MTMR2: variants seen among roughly 807,000 people sequenced by gnomAD.
MTMR2 encodes phosphatidylinositol-3,5-bisphosphate 3-phosphatase MTMR2.
MTMR2 carries 55 observed loss-of-function variants against 86.9 expected under a neutral mutation model. The ratio of observed to expected loss-of-function variants is 0.63; its 90% confidence interval spans 0.51 to 0.79. The LOEUF (loss-of-function observed/expected upper bound fraction) is 0.79. Ranked by LOEUF, MTMR2 falls within the 30% of genes least tolerant of loss-of-function variation. MTMR2 has a pLI of 0.00. For missense variants in MTMR2, 659 were observed against 772.3 expected (o/e 0.85, Z 1.74); for synonymous variants, 241 against 266.8 (o/e 0.90, Z 0.94).
At position 95,855,602 on chromosome 11, in the gene MTMR2, T is replaced by C. The variant is rs538406140; in HGVS notation, c.654+1950A>G. Among the ~76,000 whole-genome samples, 12 of 152,270 alleles carry C rather than the reference T, an allele frequency of 7.9e-5. No homozygotes were observed. The South Asian group carries it at 2.1e-3, about 26-fold the overall frequency. On this transcript the variant is annotated intron_variant, in intron 7 of 14. Coordinates refer to ENST00000346299, the MANE Select transcript of MTMR2 (RefSeq NM_016156.6). ...TCTAATTTCTTTTAAGACTATTAAG[T>C]GTAGATCTGTTGAATGAATGTAGCT...
intron 2 of MTMR2, among the ~76,000 whole-genome samples, chr11:95,881,830 T>G (rs972328155): frequency 6.6e-6 from 1 of 152,206 alleles, no homozygotes; most frequent in Non-Finnish European, 1.5e-5. Flanking sequence ...CTTATTTTAC[T>G]GGCTAGGGTT....
intron 2 of MTMR2, chr11:95,882,288 A>T (rs1458222316): frequency 6.6e-6 from 1 of 152,126 alleles, no homozygotes; most frequent in African/African-American, 2.4e-5. Context: ...TCATGAGATC[A>T]GAAGATCAAG....
intron 6 of MTMR2, 101 bp from the exon 7 acceptor site, chr11:95,857,736 C>A: frequency 2.6e-6 from 2 of 755,708 alleles, no homozygotes; most frequent in Non-Finnish European, 4.6e-6. Context: ...TATTTATCTG[C>A]AAGAACATTT....
chr11:95,905,099 T>C (rs553694484), intron 1 of MTMR2, among the ~76,000 whole-genome samples: 91 of 152,222 alleles, frequency 6.0e-4, no homozygotes, highest in African/African-American at 2.0e-3. Flanking sequence ...AACTCTATAC[T>C]CTTACGGTTT....
chr11:95,849,582 G>A, intron 9 of MTMR2, 92 bp downstream of exon 9: 2 of 1,154,534 alleles, frequency 1.7e-6, no homozygotes, highest in South Asian at 1.2e-5. Context: ...GTTTACCACT[G>A]TAGAGCCTGA....
chr11:95,889,084 A>G (rs1008538037), intron 1 of MTMR2, among the ~76,000 whole-genome samples: 2 of 152,124 alleles, frequency 1.3e-5, no homozygotes, highest in East Asian at 1.9e-4. Flanking sequence ...TTCTTCCATT[A>G]TAAGTAATCA....
chr11:95,860,357 C>G (rs780772780), intron 5 of MTMR2, among the ~76,000 whole-genome samples: 13 of 152,170 alleles, frequency 8.5e-5, no homozygotes, highest in Admixed American at 2.6e-4. Context: ...AAAAATTAGC[C>G]AGGCATGGTG....
intron 2 of MTMR2, among the ~76,000 whole-genome samples, chr11:95,885,105 T>C (rs1264239357): frequency 6.6e-6 from 1 of 152,110 alleles, no homozygotes; most frequent in African/African-American, 2.4e-5. Context: ...ACAGAGCTGA[T>C]GTATAAATTT....
rs1235004963 is a variant in MTMR2, at chr11:95,841,666, G to A, written c.1430C>T (p.Ser477Leu). The A allele has an allele frequency of 6.2e-7, 1 of 1,613,714 alleles. No homozygotes were observed. The highest frequency in any genetic ancestry group is 8.5e-7 in the Non-Finnish European group (1 of 1,179,754). ...GTCAATAAATTGAAGAAAAACAGGC[G>A]ATCTGTCTGCATCTGCATGGTTCTT... The part of the protein sequence containing the change: ...GDKNHADADR[S>L]PVFLQFIDCV... The change falls in exon 12 of 15, where the codon TCG becomes TTG. Residue 477 changes from serine (S) to leucine (L), a missense_variant. Ser to Leu is a moderately radical substitution (Grantham distance 145). Coordinates refer to ENST00000346299, the MANE Select transcript of MTMR2 (RefSeq NM_016156.6).
At chr11:95,842,661 T>C (rs1302773230) in intron 11 of MTMR2, among the ~76,000 whole-genome samples, 1 of 152,242 alleles carries the variant, frequency 6.6e-6, no homozygotes, top group Non-Finnish European at 1.5e-5. Flanking sequence ...GTCAAAACTA[T>C]TTCCATAATA....
intron 1 of MTMR2, chr11:95,913,210 T>C (rs1477844937): frequency 6.6e-6 from 1 of 152,104 alleles, no homozygotes; most frequent in Non-Finnish European, 1.5e-5. Flanking sequence ...GAGGGTTCTA[T>C]AGACAGGAAA....
At chr11:95,907,038 G>C (rs1421668611) in intron 1 of MTMR2, among the ~76,000 whole-genome samples, 1 of 151,946 alleles carries the variant, frequency 6.6e-6, no homozygotes, top group Non-Finnish European at 1.5e-5. Context: ...ATGAAATTGA[G>C]ACACACAAAA....
At chr11:95,899,348 A>C (rs745665882) in intron 1 of MTMR2, among the ~76,000 whole-genome samples, 1 of 152,134 alleles carries the variant, frequency 6.6e-6, no homozygotes, top group Non-Finnish European at 1.5e-5. Flanking sequence ...AGTAAAGAAG[A>C]AAACAGGTCG....
chr11:95,905,498 A>G (rs1866239042), intron 1 of MTMR2, among the ~76,000 whole-genome samples: 1 of 152,216 alleles, frequency 6.6e-6, no homozygotes, highest in Non-Finnish European at 1.5e-5. Context: ...ACATAAATTT[A>G]GAGCAAAAAA....
intron 1 of MTMR2, among the ~76,000 whole-genome samples, chr11:95,898,116 G>A (rs913290755): frequency 1.1e-4 from 16 of 151,918 alleles, no homozygotes; most frequent in East Asian, 1.9e-4. Flanking sequence ...TCTGCAGACC[G>A]TATTCCATTC....
At chr11:95,862,934 G>C (rs996499521) in intron 3 of MTMR2, among the ~76,000 whole-genome samples, 10 of 152,136 alleles carry the variant, frequency 6.6e-5, no homozygotes, top group African/African-American at 2.4e-4. Flanking sequence ...ATAAGAAGAG[G>C]ATATTGTACT....
At position 95,844,975 on chromosome 11, in the gene MTMR2, CTT is replaced by C. The variant is rs1177373744; in HGVS notation, c.1362_1363del (p.Ser455PhefsTer14). 6.2e-7 allele frequency: 1 copy of C among 1,613,564 alleles called. No individual in the cohort carries two copies. Among genetic ancestry groups the C allele is most frequent in the Non-Finnish European group, 8.5e-7 (1 of 1,179,712 alleles). On this transcript the variant is annotated frameshift_variant, in exon 11 of 15. Coordinates refer to ENST00000346299, the MANE Select transcript of MTMR2 (RefSeq NM_016156.6). LOFTEE classifies it high-confidence loss of function. ...TACTAGTTGAAATCGATGTCCAAAA[CTT>C]AGCCATTCTTTCTCCACAAGGACTT...
intron 2 of MTMR2, among the ~76,000 whole-genome samples, chr11:95,866,984 T>A (rs2135487755): frequency 6.6e-6 from 1 of 152,206 alleles, no homozygotes; most frequent in South Asian, 2.1e-4. Context: ...AGTACTTATA[T>A]CAGTGTTAAC....
chr11:95,845,486 T>C (rs1863748384), intron 10 of MTMR2, among the ~76,000 whole-genome samples: 1 of 152,174 alleles, frequency 6.6e-6, no homozygotes, highest in Non-Finnish European at 1.5e-5. Context: ...AAATATTCCA[T>C]CATCTATTTA....
Sources: allele counts gnomAD v4.1 joint callset (sites outside exome capture counted in the v4.1 genomes callset), GRCh38; gene constraint gnomAD v4.1.1; transcripts MANE v1.5; gene names NCBI Gene and HGNC (gene_info 2026-07-23, HGNC 2026-07-21).